Variants in HDAC9 observed in about 807,000 individuals in gnomAD.
HDAC9 encodes histone deacetylase 9.
In HDAC9, 41 loss-of-function variants were observed where a neutral mutation model predicts 139.4. The observed-to-expected ratio is 0.29, with a 90% CI of 0.23 to 0.38. The LOEUF (loss-of-function observed/expected upper bound fraction) is 0.38, where lower values mean the gene tolerates loss of function less well. HDAC9 is among the 10% of genes least tolerant of loss of function. The pLI is 1.00. For synonymous variants in HDAC9, 517 were observed against 476.2 expected (o/e 1.09, Z -1.12); for missense variants, 1,147 against 1,297.0 (o/e 0.88, Z 1.78).
intron 24 of HDAC9, among the ~76,000 whole-genome samples, chr7:18,967,562 A>G (rs1205330129): frequency 1.3e-5 from 2 of 148,208 alleles, no homozygotes; most frequent in Non-Finnish European, 1.5e-5. Flanking sequence ...ATTTTGGTAA[A>G]AGTGTAACAC....
At chr7:18,282,954 T>C (rs1797194784) in intron 2 of HDAC9, among the ~76,000 whole-genome samples, 1 of 112,696 alleles carries the variant, frequency 8.9e-6, no homozygotes, top group Non-Finnish European at 2.0e-5. Context: ...TTGACCTTTT[T>C]CTGGTTCTCA....
rs139610476 is a variant in HDAC9, at chr7:18,688,532, C to G, written c.1731+22056C>G. 8.8e-4 allele frequency among the ~76,000 whole-genome samples: 133 copies of G among 151,926 alleles called. 1 individual carries two copies. Among genetic ancestry groups the G allele is most frequent in the African/African-American group, 3.1e-3 (129 of 41,508 alleles). On this transcript the variant is annotated intron_variant, in intron 12 of 25. Coordinates refer to ENST00000686413, the MANE Select transcript of HDAC9 (RefSeq NM_178425.4). ...CTCCTGAAGGTTACATGTTTATTCT[C>G]TAATAGTTTTCATTTTCCAATTTTG...
At chr7:18,417,021 A>G (rs997550222) in intron 1 of HDAC9, among the ~76,000 whole-genome samples, 4 of 152,038 alleles carry the variant, frequency 2.6e-5, no homozygotes, top group African/African-American at 9.7e-5. Context: ...TTAAATTTAG[A>G]TATCCTTCAA....
At chr7:18,341,135 T>C (rs1043909395) in intron 1 of HDAC9, among the ~76,000 whole-genome samples, 2 of 151,666 alleles carry the variant, frequency 1.3e-5, no homozygotes, top group African/African-American at 4.8e-5. Context: ...CCTGACTACT[T>C]TTAAGATTTT....
intron 1 of HDAC9, among the ~76,000 whole-genome samples, chr7:18,310,820 AC>A (rs1799262997): frequency 1.5e-5 from 2 of 131,058 alleles, no homozygotes; most frequent in African/African-American, 8.3e-5. Context: ...ACACACACAC[AC>A]ACACACACAC....
chr7:18,487,483 G>A (rs1796057398), intron 1 of HDAC9, among the ~76,000 whole-genome samples: 2 of 152,032 alleles, frequency 1.3e-5, no homozygotes, highest in Non-Finnish European at 2.9e-5. Flanking sequence ...GAGTGTGTTT[G>A]CCTCTGTTCT....
intron 4 of HDAC9, 150 bp from the exon 5 acceptor site, chr7:18,591,366 A>G: frequency 1.8e-6 from 2 of 1,134,198 alleles, no homozygotes; most frequent in Non-Finnish European, 2.3e-6. Context: ...TTCTTTTAAT[A>G]GGAAAACTTT....
chr7:18,329,129 T>G (rs1396851721), intron 1 of HDAC9, among the ~76,000 whole-genome samples: 1 of 151,838 alleles, frequency 6.6e-6, no homozygotes, highest in Non-Finnish European at 1.5e-5. Context: ...CCTTTGTATT[T>G]TTGTGGTATC....
At chr7:18,111,822 G>A (rs1429812231) in intron 1 of HDAC9, among the ~76,000 whole-genome samples, 2 of 152,214 alleles carry the variant, frequency 1.3e-5, no homozygotes, top group Non-Finnish European at 2.9e-5. Context: ...TAAAGTAAAT[G>A]TAAGAGGTGC....
At chr7:18,419,358 C>T (rs1352898095) in intron 1 of HDAC9, among the ~76,000 whole-genome samples, 1 of 152,116 alleles carries the variant, frequency 6.6e-6, no homozygotes, top group South Asian at 2.1e-4. Context: ...TATTCTTTTA[C>T]AAATGAAGAA....
intron 2 of HDAC9, among the ~76,000 whole-genome samples, chr7:18,280,088 C>G (rs551577478): frequency 6.6e-6 from 1 of 152,212 alleles, no homozygotes; most frequent in African/African-American, 2.4e-5. Context: ...TGTTTCTAGG[C>G]ACTGGAAATA....
intron 2 of HDAC9, among the ~76,000 whole-genome samples, chr7:18,165,938 T>G (rs1459901381): frequency 1.3e-5 from 2 of 152,096 alleles, no homozygotes; most frequent in African/African-American, 4.8e-5. Flanking sequence ...CCAAAGAGAT[T>G]TTTATGGAGT....
At chr7:18,431,922 G>A (rs1790710687) in intron 1 of HDAC9, among the ~76,000 whole-genome samples, 1 of 152,158 alleles carries the variant, frequency 6.6e-6, no homozygotes, top group Non-Finnish European at 1.5e-5. Context: ...TTGCCTACAT[G>A]AGAAAGTCAG....
At chr7:18,904,335 A>AT (rs1423471365) in intron 22 of HDAC9, among the ~76,000 whole-genome samples, 4 of 152,146 alleles carry the variant, frequency 2.6e-5, no homozygotes, top group African/African-American at 9.7e-5. Flanking sequence ...GAATTCACAG[A>AT]TTATCTATGA....
At chr7:18,964,006 A>T (rs1425877683) in intron 24 of HDAC9, among the ~76,000 whole-genome samples, 1 of 152,174 alleles carries the variant, frequency 6.6e-6, no homozygotes, top group Non-Finnish European at 1.5e-5. Context: ...TTACCCATCT[A>T]AGAAAATCTC....
At chr7:18,987,189 A>G (rs1485867018) in intron 25 of HDAC9, among the ~76,000 whole-genome samples, 1 of 152,178 alleles carries the variant, frequency 6.6e-6, no homozygotes, top group Non-Finnish European at 1.5e-5. Context: ...ATTCAGTATG[A>G]TATTGGCTGT....
At chr7:18,227,668 T>C (rs1793153140) in intron 2 of HDAC9, among the ~76,000 whole-genome samples, 1 of 152,196 alleles carries the variant, frequency 6.6e-6, no homozygotes, top group Non-Finnish European at 1.5e-5. Context: ...GCTGCTTAGC[T>C]GAAGGCCCTT....
chr7:18,547,437 A>G (rs1052324704), intron 2 of HDAC9, among the ~76,000 whole-genome samples: 10 of 152,104 alleles, frequency 6.6e-5, no homozygotes, highest in East Asian at 3.9e-4. Context: ...GGGTTTCACC[A>G]TGTTAGCCAG....
At chr7:18,176,423 T>C (rs17138718) in intron 2 of HDAC9, among the ~76,000 whole-genome samples, 29,167 of 152,188 alleles carry the variant, frequency 0.19, 2,984 homozygotes, top group South Asian at 0.33. Context: ...GAATTCCAAA[T>C]ATTTGCTTGG....
Sources: allele counts gnomAD v4.1 joint callset (sites outside exome capture counted in the v4.1 genomes callset), GRCh38; gene constraint gnomAD v4.1.1; transcripts MANE v1.5; gene names NCBI Gene and HGNC (gene_info 2026-07-23, HGNC 2026-07-21).